ZNF618: variants seen among roughly 807,000 people sequenced by gnomAD.
The protein encoded by ZNF618 is zinc finger protein 618, also known as neural precursor cell expressed, developmentally down-regulated 10.
A neutral mutation model predicts 103.0 loss-of-function variants in ZNF618; 34 were observed. The observed-to-expected ratio is 0.33, with a 90% CI of 0.25 to 0.44. The LOEUF (loss-of-function observed/expected upper bound fraction) is 0.44, where lower values mean the gene tolerates loss of function less well. ZNF618 is among the 20% of genes least tolerant of loss of function. ZNF618 has a pLI of 1.00. For synonymous variants in ZNF618, 551 were observed against 542.2 expected (o/e 1.02, Z -0.23); for missense variants, 1,059 against 1,295.4 (o/e 0.82, Z 2.80).
At chr9:114,032,015 AT>A (rs1224115085) in intron 11 of ZNF618, among the ~76,000 whole-genome samples, 1 of 152,188 alleles carries the variant, frequency 6.6e-6, no homozygotes. Context: ...CCTCAGGTAG[AT>A]GGCAGCCTGT....
Position 114,050,335 on chromosome 9 carries a change from T to C in ZNF618, c.*168T>C. On this transcript the variant is annotated 3_prime_UTR_variant, in exon 15 of 15. Transcript: ENST00000374126. ...TTTTATATGTGTGTGTGTGCGTGTATGTACACAGCCACACGTGTGTGCACG... is the reference window on the plus strand; with the variant it reads ...TTTTATATGTGTGTGTGTGCGTGTACGTACACAGCCACACGTGTGTGCACG... 1.3e-6 allele frequency: 1 copy of C among 747,344 alleles called. No individual in the cohort carries two copies. Among genetic ancestry groups the C allele is most frequent in the Non-Finnish European group, 2.1e-6 (1 of 479,856 alleles). 46.3% of individuals were successfully genotyped at this position (747,344 alleles called of 1,614,324 possible). A position where few individuals can be genotyped will look rare whatever the true frequency, so the allele number is the denominator to read the frequency against.
intron 1 of ZNF618, among the ~76,000 whole-genome samples, chr9:113,885,054 G>A (rs1270586559): frequency 6.6e-6 from 1 of 152,178 alleles, no homozygotes; most frequent in African/African-American, 2.4e-5. Context: ...CATCAAAGCA[G>A]GGCTGGATGA....
At position 114,054,223 on chromosome 9, in the gene ZNF618, G is replaced by A. The variant is rs922194045; in HGVS notation, c.*4056G>A. On this transcript the variant is annotated 3_prime_UTR_variant, in exon 15 of 15. Coordinates refer to ENST00000374126, the MANE Select transcript of ZNF618 (RefSeq NM_001318042.2). ...CTGGACTTGAGCTGGACTCCTTGAA[G>A]AGTGGGCTTCTGGAGAGATGTTAGG... The A allele has an allele frequency of 1.3e-5, 2 of 152,570 alleles. No individual in the cohort carries two copies. Among genetic ancestry groups the A allele is most frequent in the East Asian group, 3.8e-4 (2 of 5,202 alleles). 9.5% of individuals were successfully genotyped at this position (152,570 alleles called of 1,614,324 possible).
At chr9:113,952,506 T>C (rs1835878281) in intron 1 of ZNF618, among the ~76,000 whole-genome samples, 1 of 152,186 alleles carries the variant, frequency 6.6e-6, no homozygotes, top group Admixed American at 6.5e-5. Context: ...GGGGGTGCAG[T>C]CTGACTCCTC....
chr9:114,024,820 A>AG, intron 10 of ZNF618, among the ~76,000 whole-genome samples: 1 of 152,062 alleles, frequency 6.6e-6, no homozygotes, highest in South Asian at 2.1e-4. Flanking sequence ...CCAGATTTCA[A>AG]GGGGGCCCAT....
At chr9:114,014,853 G>A (rs1842528482) in intron 9 of ZNF618, among the ~76,000 whole-genome samples, 1 of 151,966 alleles carries the variant, frequency 6.6e-6, no homozygotes. Context: ...GCTGGTCCAG[G>A]GACCGCACTT....
intron 1 of ZNF618, among the ~76,000 whole-genome samples, chr9:113,931,983 T>A (rs1206787660): frequency 6.6e-6 from 1 of 152,196 alleles, no homozygotes; most frequent in African/African-American, 2.4e-5. Context: ...TTATTCAACA[T>A]GTATTTATAG....
intron 1 of ZNF618, among the ~76,000 whole-genome samples, chr9:113,894,936 T>G (rs1829912522): frequency 6.6e-6 from 1 of 152,132 alleles, no homozygotes; most frequent in Admixed American, 6.6e-5. Context: ...CTTTTTTCTC[T>G]TATATTATGC....
intron 2 of ZNF618, among the ~76,000 whole-genome samples, chr9:113,972,997 A>G (rs972035518): frequency 6.6e-6 from 1 of 152,122 alleles, no homozygotes; most frequent in Non-Finnish European, 1.5e-5. Context: ...TGAACCCAGG[A>G]GGTGGAGGTT....
At chr9:113,929,884 T>A (rs2131823314) in intron 1 of ZNF618, among the ~76,000 whole-genome samples, 1 of 152,362 alleles carries the variant, frequency 6.6e-6, no homozygotes, top group African/African-American at 2.4e-5. Context: ...ACAAAATGGC[T>A]TTCTAATAAG....
Position 114,030,019 on chromosome 9 carries a change from C to T in ZNF618, c.1084+1047C>T, listed in dbSNP as rs147121527. On this transcript the variant is annotated intron_variant, in intron 11 of 14. Transcript: ENST00000374126. ...TGATGATGTGGTGCCTCTGGGACCG[C>T]GGGCCCTTCAGTTGTCCTCAGGAGA... is the stretch of plus-strand genomic sequence containing the variant. Among the ~76,000 whole-genome samples, 46 of 152,234 alleles carry T rather than the reference C, an allele frequency of 3.0e-4. 1 individual carries two copies. The East Asian group carries it at 7.7e-3, about 26-fold the overall frequency.
At position 113,953,351 on chromosome 9, in the gene ZNF618, T is replaced by TG. The variant is rs550781160; in HGVS notation, c.34-15765dup. Among the ~76,000 whole-genome samples the TG allele has an allele frequency of 5.9e-5, 9 of 152,320 alleles. No homozygotes were observed. The South Asian group carries it at 1.7e-3, about 28-fold the overall frequency. On this transcript the variant is annotated intron_variant, in intron 1 of 14. Transcript: ENST00000374126. Reference sequence around the variant, plus strand: ...TAGGAAATCACCTCATCCTAATACCTGCCTCTATAGATGTACAGCATGAGT... The same window carrying TG: ...TAGGAAATCACCTCATCCTAATACCTGGCCTCTATAGATGTACAGCATGAGT...
chr9:113,936,182 A>G (rs1834016743), intron 1 of ZNF618, among the ~76,000 whole-genome samples: 1 of 152,172 alleles, frequency 6.6e-6, no homozygotes, highest in South Asian at 2.1e-4. Context: ...CTTGGTGGTC[A>G]GAGACCAGGC....
At chr9:113,976,836 C>T (rs900654031) in intron 2 of ZNF618, among the ~76,000 whole-genome samples, 1 of 152,190 alleles carries the variant, frequency 6.6e-6, no homozygotes, top group African/African-American at 2.4e-5. Context: ...GAGAAAAGAA[C>T]TAACTAATAT....
At chr9:113,901,492 A>C (rs565377704) in intron 1 of ZNF618, among the ~76,000 whole-genome samples, 119 of 152,296 alleles carry the variant, frequency 7.8e-4, no homozygotes, top group Middle Eastern at 3.4e-3. Flanking sequence ...ATTGGCTCTA[A>C]CAAAATGCTG....
At chr9:113,918,356 T>TA (rs1187539762) in intron 1 of ZNF618, among the ~76,000 whole-genome samples, 1 of 152,226 alleles carries the variant, frequency 6.6e-6, no homozygotes, top group African/African-American at 2.4e-5. Context: ...TTTGCATTAA[T>TA]AAGTGTTTTG....
At chr9:113,975,573 A>C (rs1838394428) in intron 2 of ZNF618, among the ~76,000 whole-genome samples, 1 of 152,220 alleles carries the variant, frequency 6.6e-6, no homozygotes, top group South Asian at 2.1e-4. Flanking sequence ...CTTTTTGAGC[A>C]CCAACATGAT....
At chr9:113,999,257 T>C (rs1840933329) in intron 4 of ZNF618, among the ~76,000 whole-genome samples, 1 of 150,156 alleles carries the variant, frequency 6.7e-6, no homozygotes, top group Admixed American at 6.6e-5. Flanking sequence ...GGTTTTAGGC[T>C]GATCGAGGGG....
intron 1 of ZNF618, among the ~76,000 whole-genome samples, chr9:113,901,554 A>G (rs1413177260): frequency 6.6e-6 from 1 of 152,228 alleles, no homozygotes; most frequent in Non-Finnish European, 1.5e-5. Context: ...CCAGGGCCTC[A>G]TGGGCTTTTC....
Sources: gnomAD v4.1 joint callset for allele counts (sites outside exome capture counted in the v4.1 genomes callset) on GRCh38, gnomAD v4.1.1 for gene constraint, MANE v1.5 for transcripts, NCBI Gene and HGNC (gene_info 2026-07-23, HGNC 2026-07-21) for gene names.